The following DTNB variants were observed in gnomAD, a reference collection of about 807,000 sequenced individuals.
The protein encoded by DTNB is DTN-B.
DTNB carries 63 observed loss-of-function variants against 90.7 expected under a neutral mutation model. The ratio of observed to expected loss-of-function variants is 0.69; its 90% confidence interval spans 0.57 to 0.86. DTNB has a LOEUF of 0.86. DTNB is among the 40% of genes least tolerant of loss of function. DTNB has a pLI of 0.00. For synonymous variants in DTNB, 277 were observed against 286.7 expected (o/e 0.97, Z 0.34); for missense variants, 744 against 807.1 (o/e 0.92, Z 0.95).
intron 5 of DTNB, among the ~76,000 whole-genome samples, chr2:25,597,318 G>A (rs1405587228): frequency 2.0e-5 from 3 of 151,344 alleles, no homozygotes; most frequent in Non-Finnish European, 2.9e-5. Flanking sequence ...CAGCCTGGGT[G>A]ACAGAGTGAG....
intron 14 of DTNB, among the ~76,000 whole-genome samples, chr2:25,431,335 T>G (rs1000289901): frequency 6.6e-6 from 1 of 152,118 alleles, no homozygotes; most frequent in Non-Finnish European, 1.5e-5. Flanking sequence ...CCGAGTCTTC[T>G]AGAAGTTTTA....
intron 4 of DTNB, among the ~76,000 whole-genome samples, chr2:25,617,228 G>A (rs2070998744): frequency 6.6e-6 from 1 of 152,106 alleles, no homozygotes; most frequent in South Asian, 2.1e-4. Context: ...TAACTCAACA[G>A]GATAAACAGA....
At chr2:25,498,576 G>A (rs184131484) in intron 9 of DTNB, among the ~76,000 whole-genome samples, 1 of 152,108 alleles carries the variant, frequency 6.6e-6, no homozygotes, top group Non-Finnish European at 1.5e-5. Context: ...ACTACAGACC[G>A]AGTGCAGTGG....
chr2:25,599,591 G>A (rs961926424), intron 5 of DTNB, among the ~76,000 whole-genome samples: 6 of 151,830 alleles, frequency 4.0e-5, no homozygotes, highest in East Asian at 1.9e-4. Flanking sequence ...TGCACGCCTC[G>A]GCTTCCCAAA....
At chr2:25,654,123 G>A (rs968054058) in intron 1 of DTNB, among the ~76,000 whole-genome samples, 12 of 152,172 alleles carry the variant, frequency 7.9e-5, no homozygotes, top group African/African-American at 2.2e-4. Context: ...AGGCTACAGG[G>A]ACTGATAAGC....
At chr2:25,381,736 T>C (rs899836103) in intron 19 of DTNB, among the ~76,000 whole-genome samples, 2 of 152,260 alleles carry the variant, frequency 1.3e-5, no homozygotes, top group African/African-American at 4.8e-5. Flanking sequence ...TTGGCGCTGC[T>C]GTCCACTTCC....
At chr2:25,653,474 GCTTGCTTTCTTTCTTT>G (rs1477003165) in intron 1 of DTNB, among the ~76,000 whole-genome samples, 8 of 112,244 alleles carry the variant, frequency 7.1e-5, no homozygotes, top group South Asian at 5.7e-4. Context: ...ACTGTTCAGA[GCTTGCTTTCTTTCTTT>G]CTTTCTTTCT....
At chr2:25,528,670 T>C (rs2150890134) in intron 9 of DTNB, among the ~76,000 whole-genome samples, 1 of 152,308 alleles carries the variant, frequency 6.6e-6, no homozygotes, top group East Asian at 1.9e-4. Context: ...CAGAAAATAT[T>C]CCATTTGCAT....
At chr2:25,548,879 T>C (rs189996424) in intron 8 of DTNB, among the ~76,000 whole-genome samples, 39 of 152,332 alleles carry the variant, frequency 2.6e-4, no homozygotes, top group Non-Finnish European at 4.3e-4. Context: ...TAATTACTTA[T>C]GTATATGTTT....
intron 1 of DTNB, among the ~76,000 whole-genome samples, chr2:25,656,648 T>C (rs746323629): frequency 2.6e-5 from 4 of 152,178 alleles, no homozygotes; most frequent in Non-Finnish European, 5.9e-5. Context: ...AATGCACAAA[T>C]AAAATTCTAT....
At chr2:25,462,888 A>T (rs2061219076) in intron 10 of DTNB, among the ~76,000 whole-genome samples, 1 of 152,106 alleles carries the variant, frequency 6.6e-6, no homozygotes, top group Non-Finnish European at 1.5e-5. Flanking sequence ...TATTTTTAGT[A>T]GAGACGGGGT....
intron 1 of DTNB, among the ~76,000 whole-genome samples, chr2:25,655,291 G>A (rs2081855733): frequency 6.6e-6 from 1 of 152,190 alleles, no homozygotes; most frequent in African/African-American, 2.4e-5. Flanking sequence ...ACTATGCAGA[G>A]GTCTTAGCTG....
chr2:25,535,171 ACTT>A (rs2079205228), intron 8 of DTNB, among the ~76,000 whole-genome samples: 1 of 130,446 alleles, frequency 7.7e-6, no homozygotes. Flanking sequence ...GGTACTCCTC[ACTT>A]CCTCCCAGAC....
At chr2:25,501,229 T>C (rs937771937) in intron 9 of DTNB, among the ~76,000 whole-genome samples, 11 of 152,164 alleles carry the variant, frequency 7.2e-5, no homozygotes, top group Non-Finnish European at 4.4e-5. Flanking sequence ...CTTTTCTCTT[T>C]TGAAACAGGG....
intron 10 of DTNB, among the ~76,000 whole-genome samples, chr2:25,475,754 T>C (rs2063618162): frequency 1.3e-5 from 2 of 152,234 alleles, no homozygotes. Context: ...TTGAAGCCAA[T>C]GCTCATTTAC....
intron 2 of DTNB, among the ~76,000 whole-genome samples, chr2:25,647,647 G>A (rs936170220): frequency 1.3e-5 from 2 of 152,064 alleles, no homozygotes; most frequent in African/African-American, 4.8e-5. Context: ...AGCCGAGGTG[G>A]GAGGATCGCT....
At chr2:25,389,993 A>C (rs561083895) in intron 16 of DTNB, among the ~76,000 whole-genome samples, 1 of 152,246 alleles carries the variant, frequency 6.6e-6, no homozygotes, top group South Asian at 2.1e-4. Context: ...CAACCTAAAA[A>C]TATTGCAGAA....
At chr2:25,552,843 T>A (rs6713224) in intron 8 of DTNB, among the ~76,000 whole-genome samples, 4,934 of 30,402 alleles carry the variant, frequency 0.16, 305 homozygotes, top group African/African-American at 0.34. Flanking sequence ...TCTTTTTGAT[T>A]TTTTTTTTTT....
At chr2:25,572,693 CAA>C (rs1488273256) in intron 8 of DTNB, among the ~76,000 whole-genome samples, 3 of 150,826 alleles carry the variant, frequency 2.0e-5, no homozygotes, top group Non-Finnish European at 3.0e-5. Context: ...TTTTATAGCT[CAA>C]ATATTTAAGG....
Sources: gnomAD v4.1 joint callset for allele counts (sites outside exome capture counted in the v4.1 genomes callset) on GRCh38, gnomAD v4.1.1 for gene constraint, MANE v1.5 for transcripts, NCBI Gene and HGNC (gene_info 2026-07-23, HGNC 2026-07-21) for gene names.